PTPN21: variants seen among roughly 807,000 people sequenced by gnomAD.
The protein encoded by PTPN21 is tyrosine-protein phosphatase non-receptor type 21.
Under a neutral mutation model 131.8 loss-of-function variants are expected in PTPN21, and 77 were observed. That is an observed-to-expected ratio of 0.58 (90% CI 0.49 to 0.71). The LOEUF (loss-of-function observed/expected upper bound fraction) is 0.71, where lower values mean the gene tolerates loss of function less well. Among genes scored for constraint, PTPN21 ranks in the 30% least tolerant of loss-of-function variants. The pLI, the probability that PTPN21 is intolerant of heterozygous loss-of-function variation, is 0.00. For synonymous variants in PTPN21, 715 were observed against 621.3 expected (o/e 1.15, Z -2.24); for missense variants, 1,552 against 1,527.1 (o/e 1.02, Z -0.27).
intron 3 of PTPN21, chr14:88,513,736 T>C (rs746881929): frequency 2.0e-5 from 3 of 152,230 alleles, no homozygotes; most frequent in Non-Finnish European, 4.4e-5. Flanking sequence ...GTCTATAATA[T>C]TTTGTTACGG....
intron 3 of PTPN21, among the ~76,000 whole-genome samples, chr14:88,511,763 A>T (rs990656564): frequency 4.6e-5 from 7 of 152,222 alleles, no homozygotes; most frequent in African/African-American, 1.7e-4. Context: ...GCACGTTTTG[A>T]TTCAAAAGCA....
At chr14:88,548,396 T>C (rs879554981) in intron 2 of PTPN21, among the ~76,000 whole-genome samples, 8 of 152,226 alleles carry the variant, frequency 5.3e-5, no homozygotes, top group Non-Finnish European at 1.0e-4. Flanking sequence ...TTTGGTCCTG[T>C]GCAGTTCTCT....
Position 88,479,790 on chromosome 14 carries a change from C to T in PTPN21, c.1641G>A (p.Leu547=). Residue 547 remains leucine (L), a synonymous_variant, in exon 13 of 19, where the codon CTG becomes CTA. Transcript: ENST00000556564. ...TGGGAGACGGGTAGTCCTGCGCCTG[C>T]AGCTGCGCATTGGTCAGCTCCGGCA... is the stretch of plus-strand genomic sequence containing the variant. ...VSVPELTNAQ[L]QAQDYPSPNI... is the part of the protein sequence containing the mutation. 1 of 1,545,562 alleles carries T rather than the reference C, an allele frequency of 6.5e-7. No individual in the cohort carries two copies. Among genetic ancestry groups the T allele is most frequent in the Non-Finnish European group, 8.7e-7 (1 of 1,152,190 alleles).
chr14:88,497,326 T>C (rs2077934500), intron 8 of PTPN21, 36 bp from the exon 9 acceptor site: 2 of 1,506,586 alleles, frequency 1.3e-6, no homozygotes, highest in Admixed American at 3.4e-5. Context: ...GCAATGTGAG[T>C]GCCCATGGGG....
chr14:88,502,535 T>G (rs893039958), intron 6 of PTPN21, among the ~76,000 whole-genome samples: 1 of 152,206 alleles, frequency 6.6e-6, no homozygotes, highest in African/African-American at 2.4e-5. Context: ...GGGCTGGGAA[T>G]GCACTCTTAG....
In PTPN21 at chr14:88,517,202, C is replaced by G. The variant is rs1566838467; in HGVS notation, c.240G>C (p.Leu80Phe). 1 of 1,614,008 alleles carries G rather than the reference C, an allele frequency of 6.2e-7. No homozygotes were observed. Among genetic ancestry groups the G allele is most frequent in the East Asian group, 2.2e-5 (1 of 44,872 alleles). ...CCAGCTGCTTCTTCAAAGGTTTTTC[C>G]AAATCTACCCACCGGCGCTGATTTT... The part of the protein sequence containing the change: ...NKQNQRRWVD[L>F]EKPLKKQLDK... Residue 80 changes from leucine to phenylalanine, a missense_variant, in exon 3 of 19, where the codon TTG becomes TTC. By Grantham distance (22) the Leu-to-Phe change is conservative. Coordinates refer to ENST00000556564, the MANE Select transcript of PTPN21 (RefSeq NM_007039.4).
intron 2 of PTPN21, among the ~76,000 whole-genome samples, chr14:88,542,166 G>T (rs2078716344): frequency 6.6e-6 from 1 of 152,168 alleles, no homozygotes; most frequent in African/African-American, 2.4e-5. Context: ...TTCCTAATTT[G>T]AAAATGGAAA....
intron 1 of PTPN21, among the ~76,000 whole-genome samples, chr14:88,553,455 G>A (rs1040210131): frequency 2.0e-5 from 3 of 152,060 alleles, no homozygotes; most frequent in African/African-American, 7.2e-5. Flanking sequence ...AATGTCTGAA[G>A]ATAATAAAAC....
intron 13 of PTPN21, among the ~76,000 whole-genome samples, chr14:88,478,490 A>G (rs2140095045): frequency 6.6e-6 from 1 of 152,308 alleles, no homozygotes; most frequent in Middle Eastern, 3.4e-3. Context: ...ACTTTCCTGG[A>G]TGCTTTTTTC....
At chr14:88,501,503 G>A in intron 6 of PTPN21, 135 bp from the exon 7 acceptor site, 1 of 755,316 alleles carries the variant, frequency 1.3e-6, no homozygotes, top group Non-Finnish European at 2.2e-6. Flanking sequence ...TCTATAATTG[G>A]CTATATCAAT....
At chr14:88,522,963 T>C (rs1314309053) in intron 2 of PTPN21, among the ~76,000 whole-genome samples, 1 of 150,208 alleles carries the variant, frequency 6.7e-6, no homozygotes, top group Non-Finnish European at 1.5e-5. Context: ...TTTTTTTGGC[T>C]CGTCTTGAAT....
At chr14:88,515,182 A>C (rs1253880307) in intron 3 of PTPN21, 2 of 152,212 alleles carry the variant, frequency 1.3e-5, no homozygotes, top group Non-Finnish European at 2.9e-5. Context: ...CTCTCACAGA[A>C]GTCAATGATA....
intron 2 of PTPN21, among the ~76,000 whole-genome samples, chr14:88,545,995 T>TAAAAAA (rs991650692): frequency 3.9e-5 from 3 of 77,836 alleles, no homozygotes; most frequent in Non-Finnish European, 5.1e-5. Flanking sequence ...CTGTCTCAAA[T>TAAAAAA]AAAAAAAAAA....
chr14:88,483,349 C>T (rs1354576752), intron 12 of PTPN21, among the ~76,000 whole-genome samples: 1 of 151,932 alleles, frequency 6.6e-6, no homozygotes, highest in Non-Finnish European at 1.5e-5. Flanking sequence ...ACTAACAATG[C>T]AGAGGACAGC....
chr14:88,470,724 C>T (rs903626601), intron 15 of PTPN21, among the ~76,000 whole-genome samples: 1 of 152,226 alleles, frequency 6.6e-6, no homozygotes, highest in Non-Finnish European at 1.5e-5. Flanking sequence ...CCCTAGTCAC[C>T]GCTCCACATC....
intron 2 of PTPN21, among the ~76,000 whole-genome samples, chr14:88,528,652 G>A (rs2078513795): frequency 6.6e-6 from 1 of 151,992 alleles, no homozygotes; most frequent in South Asian, 2.1e-4. Context: ...AGATCTGATG[G>A]TTTTAAAAAT....
intron 2 of PTPN21, among the ~76,000 whole-genome samples, 163 bp downstream of exon 2, chr14:88,550,075 C>T (rs889811230): frequency 6.6e-6 from 1 of 151,908 alleles, no homozygotes; most frequent in Non-Finnish European, 1.5e-5. Flanking sequence ...TGAGCCACTG[C>T]GCCCGGCCTT....
chr14:88,497,943 C>CA (rs1005819818), intron 8 of PTPN21, among the ~76,000 whole-genome samples: 8 of 151,080 alleles, frequency 5.3e-5, no homozygotes, highest in Non-Finnish European at 1.2e-4. Context: ...ACTAAGAATA[C>CA]AAAAAAAATT....
intron 2 of PTPN21, among the ~76,000 whole-genome samples, chr14:88,518,382 GTGTGTATA>G (rs1214374189): frequency 2.8e-3 from 34 of 12,276 alleles, no homozygotes; most frequent in Admixed American, 8.6e-3. Flanking sequence ...GTATGTGTGT[GTGTGTATA>G]TATATATATA....
Sources: allele counts gnomAD v4.1 joint callset (sites outside exome capture counted in the v4.1 genomes callset), GRCh38; gene constraint gnomAD v4.1.1; transcripts MANE v1.5; gene names NCBI Gene and HGNC (gene_info 2026-07-23, HGNC 2026-07-21).